TNFRSF11A: variants seen among roughly 807,000 people sequenced by gnomAD.
The protein encoded by TNFRSF11A is TNF receptor superfamily member 11a, also known as tumor necrosis factor receptor superfamily member 11A.
Under a neutral mutation model 55.7 loss-of-function variants are expected in TNFRSF11A, and 32 were observed. The ratio of observed to expected loss-of-function variants is 0.57; its 90% CI spans 0.43 to 0.77. The LOEUF (loss-of-function observed/expected upper bound fraction) is 0.77, where lower values mean the gene tolerates loss of function less well. Among genes scored for constraint, TNFRSF11A ranks in the 30% least tolerant of loss-of-function variants. The pLI, the probability that TNFRSF11A is intolerant of heterozygous loss-of-function variation, is 0.00. For missense variants in TNFRSF11A, 753 were observed against 809.8 expected (o/e 0.93, Z 0.85); for synonymous variants, 311 against 331.0 (o/e 0.94, Z 0.65).
At chr18:62,353,585 A>AT (rs1024237947) in intron 3 of TNFRSF11A, among the ~76,000 whole-genome samples, 4 of 152,218 alleles carry the variant, frequency 2.6e-5, no homozygotes, top group African/African-American at 9.7e-5. Context: ...AAGAGGATTG[A>AT]TTTTGGGGTG....
intron 9 of TNFRSF11A, among the ~76,000 whole-genome samples, chr18:62,380,444 T>TTA (rs1911192880): frequency 2.7e-5 from 4 of 150,676 alleles, no homozygotes; most frequent in African/African-American, 9.8e-5. Context: ...AATTTTTTTT[T>TTA]TTTTTTTTTT....
At chr18:62,335,213 T>C (rs2046214545) in intron 1 of TNFRSF11A, among the ~76,000 whole-genome samples, 1 of 151,636 alleles carries the variant, frequency 6.6e-6, no homozygotes, top group Non-Finnish European at 1.5e-5. Context: ...GTTCAAGCAA[T>C]TCTCCTGCCT....
At position 62,384,959 on chromosome 18, in the gene TNFRSF11A, C is replaced by A. The variant is rs769676947; in HGVS notation, c.1776C>A (p.Cys592Ter). 4.7e-6 allele frequency: 7 copies of A among 1,492,338 alleles called. 1 individual carries two copies. The highest frequency in any genetic ancestry group is 8.9e-7 in the Non-Finnish European group (1 of 1,128,494). The allele number at this position is 1,492,338 out of a possible 1,614,324, so 92.4% of individuals were successfully genotyped here. A position where few individuals can be genotyped will look rare whatever the true frequency, so the allele number is the denominator to read the frequency against. The change falls in exon 10 of 10, where the codon TGC becomes TGA. Residue 592 changes from cysteine to a stop codon, truncating the protein, a stop_gained. Coordinates refer to ENST00000586569, the MANE Select transcript of TNFRSF11A (RefSeq NM_003839.4). LOFTEE classifies it low-confidence loss of function (END_TRUNC). ...AGNGPRFPDP[C>*]GGPEGLREPE... ...ACGGCCCGCGCTTCCCGGACCCGTGCGGCGGCCCCGAGGGGCTGCGGGAGC... is the reference window on the plus strand; with the variant it reads ...ACGGCCCGCGCTTCCCGGACCCGTGAGGCGGCCCCGAGGGGCTGCGGGAGC...
At chr18:62,361,851 A>C in intron 7 of TNFRSF11A, 58 bp downstream of exon 7, 1 of 1,469,568 alleles carries the variant, frequency 6.8e-7, no homozygotes. Flanking sequence ...TTCTAGGTAA[A>C]TGCTTTGGAA....
chr18:62,364,556 GTAT>G (rs1289585163), intron 7 of TNFRSF11A, among the ~76,000 whole-genome samples: 1 of 152,150 alleles, frequency 6.6e-6, no homozygotes, highest in Admixed American at 6.5e-5. Context: ...CCGTGGACAG[GTAT>G]TATTTTTTAG....
Position 62,334,200 on chromosome 18 carries a change from G to C in TNFRSF11A, c.75+8773G>C, listed in dbSNP as rs527351714. Among the ~76,000 whole-genome samples, 55 of 152,302 alleles carry C rather than the reference G, an allele frequency of 3.6e-4. 1 individual carries two copies. The South Asian group carries it at 0.011, about 29-fold the overall frequency. On this transcript the variant is annotated intron_variant, in intron 1 of 9. Coordinates refer to ENST00000586569, the MANE Select transcript of TNFRSF11A (RefSeq NM_003839.4). ...ATTCTTAAGCAGAAATGGCAATGCT[G>C]TGTCTTTAAGGCTAATCCAGATAAA...
At chr18:62,355,525 C>A (rs369280090) in intron 4 of TNFRSF11A, among the ~76,000 whole-genome samples, 2 of 152,310 alleles carry the variant, frequency 1.3e-5, no homozygotes, top group African/African-American at 2.4e-5. Context: ...GATCTGCCCA[C>A]CTCGGCCTCC....
chr18:62,375,010 T>C (rs1910791654), intron 9 of TNFRSF11A, among the ~76,000 whole-genome samples: 1 of 151,702 alleles, frequency 6.6e-6, no homozygotes, highest in South Asian at 2.1e-4. Flanking sequence ...GCTCAATCCA[T>C]CCTCCCATCT....
rs1282283595 is a variant in TNFRSF11A at position 62,356,058 on chromosome 18, T to C, written c.427+1524T>C. 2.0e-5 allele frequency among the ~76,000 whole-genome samples: 3 copies of C among 152,244 alleles called. No homozygotes were observed. The East Asian group carries it at 5.8e-4, about 29-fold the overall frequency. ...TTTGTTGAAAGTAAAGGAATAGAAA[T>C]CCTTTTGAGTTGAAAAAGTATTTCT... On this transcript the variant is annotated intron_variant, in intron 4 of 9. Coordinates refer to ENST00000586569, the MANE Select transcript of TNFRSF11A (RefSeq NM_003839.4).
chr18:62,342,541 GA>G (rs1438090879), intron 1 of TNFRSF11A, among the ~76,000 whole-genome samples: 1 of 151,850 alleles, frequency 6.6e-6, no homozygotes, highest in Non-Finnish European at 1.5e-5. Flanking sequence ...TCCTGGTTAT[GA>G]ATGTTTTGCT....
chr18:62,337,032 T>C (rs1457835180), intron 1 of TNFRSF11A, among the ~76,000 whole-genome samples: 1 of 152,198 alleles, frequency 6.6e-6, no homozygotes, highest in African/African-American at 2.4e-5. Context: ...GGGGAAATGC[T>C]GATGGGCCCA....
At chr18:62,365,199 C>T (rs1185641930) in intron 7 of TNFRSF11A, among the ~76,000 whole-genome samples, 15 of 152,100 alleles carry the variant, frequency 9.9e-5, no homozygotes, top group Admixed American at 8.5e-4. Flanking sequence ...TGAGCTGAAG[C>T]GGTCCGCCCA....
chr18:62,362,358 C>G (rs1463812877), intron 7 of TNFRSF11A, among the ~76,000 whole-genome samples: 1 of 151,922 alleles, frequency 6.6e-6, no homozygotes, highest in African/African-American at 2.4e-5. Flanking sequence ...GACATGGTGG[C>G]ACATGCCTGT....
Position 62,376,769 on chromosome 18 carries a change from A to G in TNFRSF11A, c.1567+7285A>G, listed in dbSNP as rs146369598. On this transcript the variant is annotated intron_variant, in intron 9 of 9. Transcript: ENST00000586569. ...CTCTCTGAACTTCTGGCAACTACTG[A>G]TCTTTCTACTGTCTCCATAGTTTTT... Among the ~76,000 whole-genome samples, 576 of 152,236 alleles carry G rather than the reference A, an allele frequency of 3.8e-3. 5 individuals carry two copies. Among genetic ancestry groups the G allele is most frequent in the Non-Finnish European group, 5.8e-3 (396 of 68,018 alleles).
intron 7 of TNFRSF11A, among the ~76,000 whole-genome samples, chr18:62,365,162 A>G (rs1909987460): frequency 6.6e-6 from 1 of 151,926 alleles, no homozygotes; most frequent in African/African-American, 2.4e-5. Context: ...GGGTTTCACC[A>G]TGTTGCCCAA....
In TNFRSF11A at chr18:62,369,330, G is replaced by T. The variant is rs773741080; in HGVS notation, c.1413G>T (p.Gln471His). 14 of 1,609,904 alleles carry T rather than the reference G, an allele frequency of 8.7e-6. No individual in the cohort carries two copies. The highest frequency in any genetic ancestry group is 6.7e-5 in the Admixed American group (4 of 59,866). The stretch of plus-strand genomic sequence containing the variant: ...CCCCAAAACGTGGACCCTTGCCCCA[G>T]TGCGCCTATGGCATGGGCCTTCCCC... ...VGSPKRGPLPQCAYGMGLPPE... is the reference protein window; with the variant it reads ...VGSPKRGPLPHCAYGMGLPPE... Residue 471 changes from glutamine (Q) to histidine (H), a missense_variant, in exon 9 of 10, where the codon CAG becomes CAT. By Grantham distance (24) the Gln-to-His change is conservative. Around this residue, in one of 3 missense-constraint regions of TNFRSF11A, gnomAD observed 567 missense variants for 596.7 expected, o/e 0.95. Coordinates refer to ENST00000586569, the MANE Select transcript of TNFRSF11A (RefSeq NM_003839.4).
intron 6 of TNFRSF11A, 78 bp downstream of exon 6, chr18:62,360,127 C>T (rs1266737992): frequency 1.3e-5 from 15 of 1,142,268 alleles, no homozygotes; most frequent in Non-Finnish European, 1.8e-5. Flanking sequence ...CCAGATGGCA[C>T]GTGGATTTGC....
chr18:62,371,482 A>C (rs960137286), intron 9 of TNFRSF11A, among the ~76,000 whole-genome samples: 21 of 152,202 alleles, frequency 1.4e-4, no homozygotes, highest in Admixed American at 8.5e-4. Context: ...TTTCTCTAGC[A>C]CTAAACCATC....
chr18:62,363,365 C>CTTTTTT (rs386387923), intron 7 of TNFRSF11A, among the ~76,000 whole-genome samples: 2 of 106,798 alleles, frequency 1.9e-5, no homozygotes, highest in Non-Finnish European at 3.6e-5. Flanking sequence ...AGTGATGACC[C>CTTTTTT]TTTTTTTTTT....
Sources: gnomAD v4.1 joint callset for allele counts (sites outside exome capture counted in the v4.1 genomes callset) on GRCh38, gnomAD v4.1.1 for gene constraint, gnomAD v4.1.1 regional missense constraint, MANE v1.5 for transcripts, NCBI Gene and HGNC (gene_info 2026-07-23, HGNC 2026-07-21) for gene names.